Variants in CENPF observed in about 807,000 individuals in gnomAD.
CENPF encodes the protein centromere protein F, also known as AH antigen.
In CENPF, 214 loss-of-function variants were observed where a neutral mutation model predicts 307.3. That is an observed-to-expected ratio of 0.70 (90% CI 0.62 to 0.78). The LOEUF (loss-of-function observed/expected upper bound fraction) is 0.78. Among genes scored for constraint, CENPF ranks in the 30% least tolerant of loss-of-function variants. The pLI, the probability that CENPF is intolerant of heterozygous loss-of-function variation, is 0.00. For synonymous variants in CENPF, 1,259 were observed against 1,270.6 expected (o/e 0.99, Z 0.19); for missense variants, 3,401 against 3,483.9 (o/e 0.98, Z 0.60).
intron 19 of CENPF, among the ~76,000 whole-genome samples, chr1:214,662,494 T>C (rs1291522476): frequency 2.0e-5 from 3 of 152,206 alleles, no homozygotes; most frequent in Non-Finnish European, 4.4e-5. Flanking sequence ...GGAAAGAATA[T>C]AAATGGGAAA....
At chr1:214,657,778 C>G (rs1373934837) in intron 18 of CENPF, among the ~76,000 whole-genome samples, 1 of 152,202 alleles carries the variant, frequency 6.6e-6, no homozygotes, top group African/African-American at 2.4e-5. Context: ...ATGCTGGCCC[C>G]CTGACTGGAG....
chr1:214,639,400 T>A (rs781058419), intron 11 of CENPF, among the ~76,000 whole-genome samples: 2 of 152,166 alleles, frequency 1.3e-5, no homozygotes, highest in Non-Finnish European at 2.9e-5. Flanking sequence ...ATTACTGATA[T>A]ATGGCATCAT....
Position 214,646,753 on chromosome 1 carries a change from GA to G in CENPF, c.7187del (p.Asn2396IlefsTer2), listed in dbSNP as rs748842767. ...LDVVTIRSEK[E>X]NLTNELQKEQ... is the part of the protein sequence containing the mutation. ...TGTTGTTACTATAAGGTCAGAAAAA[GA>G]AAATCTGACAAATGAATTACAAAAA... On this transcript the variant is annotated frameshift_variant, in exon 13 of 20. Coordinates refer to ENST00000366955, the MANE Select transcript of CENPF (RefSeq NM_016343.4). LOFTEE classifies it high-confidence loss of function. 1 of 1,613,438 alleles carries G rather than the reference GA, an allele frequency of 6.2e-7. No individual in the cohort carries two copies. The highest frequency in any genetic ancestry group is 1.1e-5 in the South Asian group (1 of 91,008).
intron 5 of CENPF, among the ~76,000 whole-genome samples, chr1:214,620,260 T>G (rs1397806421): frequency 3.6e-4 from 55 of 152,226 alleles, no homozygotes; most frequent in Non-Finnish European, 7.3e-5. Context: ...TAGTGTGATG[T>G]TTAACTTTGA....
chr1:214,621,087 A>AAT lies in CENPF; in HGVS notation c.865+145_865+146dup, dbSNP rs565184463. On this transcript the variant is annotated intron_variant, in intron 6 of 19. Coordinates refer to ENST00000366955, the MANE Select transcript of CENPF (RefSeq NM_016343.4). ...TCAACATCCTAGACTGGTTATGTGA[A>AAT]ATATACTGTCTTTTCAATAATGATA... 1.3e-3 allele frequency: 898 copies of AAT among 694,034 alleles called. 10 individuals carry two copies. Among genetic ancestry groups the AAT allele is most frequent in the East Asian group, 3.2e-3 (118 of 37,386 alleles). 43.0% of individuals were successfully genotyped at this position (694,034 alleles called of 1,614,324 possible). A position where few individuals can be genotyped will look rare whatever the true frequency, so the allele number is the denominator to read the frequency against.
At chr1:214,624,098 T>C (rs1049490238) in intron 7 of CENPF, among the ~76,000 whole-genome samples, 6 of 152,196 alleles carry the variant, frequency 3.9e-5, no homozygotes, top group African/African-American at 1.4e-4. Flanking sequence ...TTCACACATT[T>C]GAATGAGCCT....
chr1:214,660,578 C>T (rs1216174084), intron 19 of CENPF, among the ~76,000 whole-genome samples: 1 of 152,166 alleles, frequency 6.6e-6, no homozygotes, highest in Non-Finnish European at 1.5e-5. Flanking sequence ...ATACTGAATA[C>T]AGGAGAAGTC....
rs1305169193 is a variant in CENPF at position 214,642,513 on chromosome 1, A to C, written c.4175A>C (p.His1392Pro). ...TTGGACGAGAGTAATTCCTACGAGC[A>C]CTTGACATTGTCAGACAAAGAAGTT... ...APLDESNSYE[H>P]LTLSDKEVQM... The change falls in exon 12 of 20, where the codon CAC becomes CCC. Residue 1392 changes from histidine (H) to proline (P), a missense_variant. By Grantham distance (77) the His-to-Pro change is moderately conservative. Coordinates refer to ENST00000366955, the MANE Select transcript of CENPF (RefSeq NM_016343.4). 1.2e-6 allele frequency: 2 copies of C among 1,612,208 alleles called. No homozygotes were observed. Among genetic ancestry groups the C allele is most frequent in the African/African-American group, 2.7e-5 (2 of 74,976 alleles).
chr1:214,640,281 A>G lies in CENPF; in HGVS notation c.1943A>G (p.Glu648Gly). 6.2e-7 allele frequency: 1 copy of G among 1,614,010 alleles called. No homozygotes were observed. Among genetic ancestry groups the G allele is most frequent in the East Asian group, 2.2e-5 (1 of 44,870 alleles). The stretch of plus-strand genomic sequence containing the variant: ...TTGCAGAGTAAAATTAATCACTTGG[A>G]AACTTGTCTGAAGACACAGCAAATA... ...ENLQSKINHL[E>G]TCLKTQQIKS... is the part of the protein sequence containing the mutation. The change falls in exon 12 of 20, where the codon GAA (glutamate) becomes GGA (glycine). Residue 648 changes from glutamate to glycine, a missense_variant. By Grantham distance (98) the Glu-to-Gly change is moderately conservative. Coordinates refer to ENST00000366955, the MANE Select transcript of CENPF (RefSeq NM_016343.4).
At chr1:214,638,343 A>G (rs1018129722) in intron 11 of CENPF, among the ~76,000 whole-genome samples, 1 of 152,182 alleles carries the variant, frequency 6.6e-6, no homozygotes, top group Non-Finnish European at 1.5e-5. Context: ...TGTTAGTTAC[A>G]TCCAGACAGC....
intron 1 of CENPF, among the ~76,000 whole-genome samples, chr1:214,611,080 T>A (rs1657187434): frequency 6.6e-6 from 1 of 152,346 alleles, no homozygotes; most frequent in African/African-American, 2.4e-5. Flanking sequence ...TTGGTTACTG[T>A]AGCCCTGTAG....
chr1:214,663,035 G>A (rs139374187), intron 19 of CENPF, among the ~76,000 whole-genome samples: 15 of 152,224 alleles, frequency 9.9e-5, no homozygotes, highest in African/African-American at 3.6e-4. Context: ...CCTTTAAAAG[G>A]CAGGATGTTT....
At position 214,614,852 on chromosome 1, in the gene CENPF, G is replaced by C; in HGVS notation, c.183G>C (p.Glu61Asp). The change falls in exon 3 of 20, where the codon GAG (glutamate) becomes GAC (aspartate). Residue 61 changes from glutamate (E) to aspartate (D), a missense_variant. Transcript: ENST00000366955. ...QKQKVENEKT[E>D]GTNLKRENQR... ...ATTAGGTTGAAAATGAAAAAACCGA[G>C]GGTACAAACCTGAAAAGGGAGAATC... is the stretch of plus-strand genomic sequence containing the variant. 6.3e-7 allele frequency: 1 copy of C among 1,578,344 alleles called. No individual in the cohort carries two copies.
chr1:214,619,208 C>T lies in CENPF; in HGVS notation c.561C>T (p.Ala187=), dbSNP rs767035015. The T allele has an allele frequency of 1.9e-5, 29 of 1,556,930 alleles. No homozygotes were observed. Among genetic ancestry groups the T allele is most frequent in the Non-Finnish European group, 2.4e-5 (27 of 1,134,128 alleles). Residue 187 remains alanine (A), a synonymous_variant, in exon 5 of 20, where the codon GCC becomes GCT. Coordinates refer to ENST00000366955, the MANE Select transcript of CENPF (RefSeq NM_016343.4). ...ERKRLEAEVK[A]LQAKKASQTL... ...AAAGATTAGAGGCAGAGGTTAAAGC[C>T]TTGCAGGCTAAAGTAAGTTAATTAT...
chr1:214,637,448 T>C lies in CENPF; in HGVS notation c.1447-418T>C, dbSNP rs145424641. ...CTTAAGATGGTTTTGCAATGAAAAG[T>C]AAACATATGTGCTGAGATTTTTTTT... On this transcript the variant is annotated intron_variant, in intron 10 of 19. Coordinates refer to ENST00000366955, the MANE Select transcript of CENPF (RefSeq NM_016343.4). Among the ~76,000 whole-genome samples, 3 of 152,102 alleles carry C rather than the reference T, an allele frequency of 2.0e-5. No homozygotes were observed. In the East Asian group the frequency reaches 5.8e-4, roughly 29 times the overall value.
At position 214,648,784 on chromosome 1, in the gene CENPF, C is replaced by G; in HGVS notation, c.7940C>G (p.Ala2647Gly). 6.2e-7 allele frequency: 1 copy of G among 1,613,968 alleles called. No homozygotes were observed. Residue 2647 changes from alanine to glycine, a missense_variant, in exon 14 of 20, where the codon GCT becomes GGT. Transcript: ENST00000366955. The stretch of plus-strand genomic sequence containing the variant: ...CTCAGTGGAGAGAAAAATAGGCTAG[C>G]TGGAGAGTTGCAGTTACTGTTGGAA... Reference protein sequence around the residue: ...EELSGEKNRLAGELQLLLEEI... With the variant: ...EELSGEKNRLGGELQLLLEEI...
chr1:214,655,287 G>GAAGGAAAA lies in CENPF; in HGVS notation c.8369_8370insAAGGAAAA (p.Ala2791ArgfsTer8), dbSNP rs1658600875. Reference sequence around the variant, plus strand: ...AATCAGTTGAAGAAGGAAAATGAACGTGCCCAGGGGAAAATGAAGTTGTTG... The same window carrying GAAGGAAAA: ...AATCAGTTGAAGAAGGAAAATGAACGAAGGAAAATGCCCAGGGGAAAATGAAGTTGTTG... On this transcript the variant is annotated frameshift_variant, in exon 17 of 20. Transcript: ENST00000366955. LOFTEE classifies it high-confidence loss of function. The GAAGGAAAA allele has an allele frequency of 6.2e-7, 1 of 1,606,250 alleles. No homozygotes were observed. The highest frequency in any genetic ancestry group is 8.5e-7 in the Non-Finnish European group (1 of 1,176,144).
At chr1:214,606,025 C>A in intron 1 of CENPF, 1 of 1,596,348 alleles carries the variant, frequency 6.3e-7, no homozygotes, top group South Asian at 1.1e-5. Context: ...CCACGGTGGG[C>A]ACCGTGCCGA....
In CENPF at chr1:214,644,593, A is replaced by C. The variant is rs1252290062; in HGVS notation, c.5023A>C (p.Lys1675Gln). The C allele has an allele frequency of 1.9e-6, 3 of 1,611,210 alleles. No individual in the cohort carries two copies. The highest frequency in any genetic ancestry group is 2.5e-6 in the Non-Finnish European group (3 of 1,178,442). ...QGRNESCDIS[K>Q]EHTSETTERT... is the part of the protein sequence containing the mutation. ...CCGAAATGAGAGCTGTGACATATCA[A>C]AAGAACATACTTCAGAAACTACAGA... Residue 1675 changes from lysine (K) to glutamine (Q), a missense_variant, in exon 13 of 20, where the codon AAA becomes CAA. Transcript: ENST00000366955.
Sources: allele counts gnomAD v4.1 joint callset (sites outside exome capture counted in the v4.1 genomes callset), GRCh38; gene constraint gnomAD v4.1.1; transcripts MANE v1.5; gene names NCBI Gene and HGNC (gene_info 2026-07-23, HGNC 2026-07-21).